WDR47: variants seen among roughly 807,000 people sequenced by gnomAD.
WDR47 encodes WD repeat domain 47, also known as WD repeat-containing protein 47.
A neutral mutation model predicts 97.2 loss-of-function variants in WDR47; 32 were observed. The observed-to-expected ratio is 0.33, with a 90% CI of 0.25 to 0.44. The LOEUF (loss-of-function observed/expected upper bound fraction) is 0.44, where lower values mean the gene tolerates loss of function less well. Among genes scored for constraint, WDR47 ranks in the 20% least tolerant of loss-of-function variants. WDR47 has a pLI of 1.00. For missense variants in WDR47, 782 were observed against 1,102.3 expected (o/e 0.71, Z 4.11); for synonymous variants, 375 against 373.5 (o/e 1.00, Z -0.05).
intron 12 of WDR47, among the ~76,000 whole-genome samples, chr1:108,982,154 T>C (rs1482735208): frequency 6.6e-6 from 1 of 152,158 alleles, no homozygotes; most frequent in Non-Finnish European, 1.5e-5. Flanking sequence ...TAGTCAAATA[T>C]ACTATGTGAT....
Position 108,981,774 on chromosome 1 carries a change from G to A in WDR47, c.2357C>T (p.Pro786Leu). The A allele has an allele frequency of 6.2e-7, 1 of 1,613,650 alleles. No homozygotes were observed. Among genetic ancestry groups the A allele is most frequent in the Non-Finnish European group, 8.5e-7 (1 of 1,179,790 alleles). ...TGTGCCAACAACACGAACACAACTTGGTACTCGAAGATCCCAAAATCTAAC... is the reference window on the plus strand; with the variant it reads ...TGTGCCAACAACACGAACACAACTTAGTACTCGAAGATCCCAAAATCTAAC... ...KTVRFWDLRV[P>L]SCVRVVGTTF... is the part of the protein sequence containing the mutation. Residue 786 changes from proline to leucine, a missense_variant, in exon 13 of 15, where the codon CCA becomes CTA. Pro to Leu is a moderately conservative substitution (Grantham distance 98, BLOSUM62 -3). Coordinates refer to ENST00000369962, the MANE Select transcript of WDR47 (RefSeq NM_001142551.2).
Position 109,004,702 on chromosome 1 carries a change from C to T in WDR47, c.1144G>A (p.Asp382Asn). 1 of 1,606,026 alleles carries T rather than the reference C, an allele frequency of 6.2e-7. No homozygotes were observed. The highest frequency in any genetic ancestry group is 8.5e-7 in the Non-Finnish European group (1 of 1,176,640). Reference sequence around the variant, plus strand: ...TCACTGCCGATAGGCCTCTGTGCATCAACAGGTGTATCACTTCTTCCAGAA... The same window carrying T: ...TCACTGCCGATAGGCCTCTGTGCATTAACAGGTGTATCACTTCTTCCAGAA... ...EESPERDTPV[D>N]AQRPIGSEIL... The change falls in exon 6 of 15, where the codon GAT (aspartate) becomes AAT (asparagine). Residue 382 changes from aspartate to asparagine, a missense_variant. Coordinates refer to ENST00000369962, the MANE Select transcript of WDR47 (RefSeq NM_001142551.2).
In WDR47 at chr1:108,971,336, T is replaced by C; in HGVS notation, c.*94A>G. ...GGGGCCTCTTCGTGCTAAACCACTT[T>C]CCTGGACACTATGTTCTTCAGATTT... is the stretch of plus-strand genomic sequence containing the variant. On this transcript the variant is annotated 3_prime_UTR_variant, in exon 15 of 15. Coordinates refer to ENST00000369962, the MANE Select transcript of WDR47 (RefSeq NM_001142551.2). 2 of 1,547,756 alleles carry C rather than the reference T, an allele frequency of 1.3e-6. No individual in the cohort carries two copies. The highest frequency in any genetic ancestry group is 3.6e-5 in the Admixed American group (2 of 56,338).
At position 108,995,667 on chromosome 1, in the gene WDR47, G is replaced by A. The variant is rs113434051; in HGVS notation, c.1604C>T (p.Ala535Val). The A allele has an allele frequency of 1.9e-5, 31 of 1,613,968 alleles. No homozygotes were observed. Among genetic ancestry groups the A allele is most frequent in the East Asian group, 1.8e-4 (8 of 44,878 alleles). Residue 535 changes from alanine (A) to valine (V), a missense_variant, in exon 8 of 15, where the codon GCT becomes GTT. By Grantham distance (64) the Ala-to-Val change is moderately conservative. Transcript: ENST00000369962. ...QDSSQRLTHD[A>V]SNIHTSTPRN... ...AGGAGTGCTTGTATGAATATTTGAA[G>A]CATCATGTGTTAATCTCTGACTAGA...
In WDR47 at chr1:109,027,435, T is replaced by A. The variant is rs189790727; in HGVS notation, c.-9-3914A>T. 1.5e-3 allele frequency among the ~76,000 whole-genome samples: 229 copies of A among 152,272 alleles called. 1 individual carries two copies. Among genetic ancestry groups the A allele is most frequent in the African/African-American group, 5.1e-3 (211 of 41,552 alleles). Reference sequence around the variant, plus strand: ...CATAGGCACATGCTTGATGACTATATCTTAGAATTATTCTCTTCTAACTCC... The same window carrying A: ...CATAGGCACATGCTTGATGACTATAACTTAGAATTATTCTCTTCTAACTCC... On this transcript the variant is annotated intron_variant, in intron 1 of 14. Transcript: ENST00000369962.
chr1:108,977,517 C>A (rs915772682), intron 13 of WDR47, among the ~76,000 whole-genome samples: 6 of 152,102 alleles, frequency 3.9e-5, no homozygotes, highest in African/African-American at 1.2e-4. Flanking sequence ...TTGTTATATA[C>A]CATGTTTGGT....
chr1:108,993,568 A>G (rs1176950855), intron 8 of WDR47, among the ~76,000 whole-genome samples: 2 of 152,218 alleles, frequency 1.3e-5, no homozygotes, highest in Admixed American at 1.3e-4. Context: ...AGATGCTAAA[A>G]ACAGGGAATC....
chr1:109,036,680 C>T lies in WDR47; in HGVS notation c.-10+5182G>A, dbSNP rs767785099. Among the ~76,000 whole-genome samples the T allele has an allele frequency of 3.3e-5, 5 of 151,788 alleles. No homozygotes were observed. The East Asian group carries it at 9.7e-4, about 30-fold the overall frequency. ...TGAAACCCCGTCTCTACTAACAATA[C>T]AAAAAATTAGCTGGGCGTGGTGGCA... On this transcript the variant is annotated intron_variant, in intron 1 of 14. Transcript: ENST00000369962.
rs1657747085 is a variant in WDR47, at chr1:108,974,687, A to G, written c.2466T>C (p.Ser822=). 3.1e-6 allele frequency: 5 copies of G among 1,614,006 alleles called. No homozygotes were observed. The South Asian group carries it at 4.4e-5, about 14-fold the overall frequency. The change falls in exon 14 of 15, where the codon TCT becomes TCC. Residue 822 remains serine (S), a synonymous_variant. Transcript: ENST00000369962. ...GRLLATGQED[S]SCMLYDIRGG... ...CTCTTATGTCATACAACATGCAGCT[A>G]GAATCTTCTTGACCTGTGGCTAAGA...
At chr1:108,984,871 T>G (rs557795880) in intron 10 of WDR47, among the ~76,000 whole-genome samples, 13 of 151,920 alleles carry the variant, frequency 8.6e-5, no homozygotes, top group Admixed American at 3.3e-4. Flanking sequence ...AGTGAGACTC[T>G]GTCTCAAAAC....
At chr1:108,977,237 C>T (rs938517825) in intron 13 of WDR47, among the ~76,000 whole-genome samples, 7 of 152,060 alleles carry the variant, frequency 4.6e-5, no homozygotes, top group Non-Finnish European at 7.4e-5. Context: ...CTACAACCTC[C>T]GCCTCCCAGG....
chr1:109,014,550 A>G (rs927317663), intron 3 of WDR47, among the ~76,000 whole-genome samples: 13 of 151,908 alleles, frequency 8.6e-5, no homozygotes, highest in Non-Finnish European at 1.6e-4. Context: ...CTCCTGCCTC[A>G]GCCTCCCAAG....
At chr1:108,990,484 C>T (rs1487861397) in intron 9 of WDR47, among the ~76,000 whole-genome samples, 1 of 152,154 alleles carries the variant, frequency 6.6e-6, no homozygotes, top group Admixed American at 6.6e-5. Flanking sequence ...GCTGGGATTA[C>T]AGGTGTGAGC....
At chr1:109,032,368 C>T (rs374388530) in intron 1 of WDR47, among the ~76,000 whole-genome samples, 1 of 134,998 alleles carries the variant, frequency 7.4e-6, no homozygotes, top group Admixed American at 8.2e-5. Context: ...ATTAGCCAGG[C>T]GTGGTGACGG....
At chr1:108,972,927 CAG>C (rs1203807577) in intron 14 of WDR47, among the ~76,000 whole-genome samples, 4 of 144,356 alleles carry the variant, frequency 2.8e-5, no homozygotes, top group Non-Finnish European at 4.5e-5. Context: ...GCCTGGGCGA[CAG>C]AGCGAGACTC....
chr1:109,034,212 C>G (rs1005211597), intron 1 of WDR47, among the ~76,000 whole-genome samples: 1 of 152,024 alleles, frequency 6.6e-6, no homozygotes, highest in Non-Finnish European at 1.5e-5. Context: ...CACCTGAACC[C>G]AGGAGGCGGA....
At position 108,970,219 on chromosome 1, in the gene WDR47, AATGTCAAGAGGTCTTT is replaced by A. The variant is rs1229103028; in HGVS notation, c.*1195_*1210del. 4 of 152,642 alleles carry A rather than the reference AATGTCAAGAGGTCTTT, an allele frequency of 2.6e-5. No individual in the cohort carries two copies. Among genetic ancestry groups the A allele is most frequent in the Non-Finnish European group, 5.9e-5 (4 of 68,038 alleles). 9.5% of individuals were successfully genotyped at this position (152,642 alleles called of 1,614,324 possible). The stretch of plus-strand genomic sequence containing the variant: ...AGACTGAGGAACAGAAACAGTTTTA[AATGTCAAGAGGTCTTT>A]ATTGAAATAATAGCACAGTTACACT... On this transcript the variant is annotated 3_prime_UTR_variant, in exon 15 of 15. Coordinates refer to ENST00000369962, the MANE Select transcript of WDR47 (RefSeq NM_001142551.2).
In WDR47 at chr1:108,970,964, A is replaced by G. The variant is rs1011453160; in HGVS notation, c.*466T>C. 1.9e-5 allele frequency: 3 copies of G among 154,212 alleles called. No individual in the cohort carries two copies. The highest frequency in any genetic ancestry group is 2.9e-5 in the Non-Finnish European group (2 of 69,282). The allele number at this position is 154,212 out of a possible 1,614,324, so 9.6% of individuals were successfully genotyped here. On this transcript the variant is annotated 3_prime_UTR_variant, in exon 15 of 15. Coordinates refer to ENST00000369962, the MANE Select transcript of WDR47 (RefSeq NM_001142551.2). ...TCTAGAAGACAAGTGATAATACAAT[A>G]TGGGATCGTGAGAAGAGCAAAAGTA...
intron 4 of WDR47, 36 bp from the exon 5 acceptor site, chr1:109,011,754 T>TA (rs1211938409): frequency 5.9e-6 from 9 of 1,522,318 alleles, no homozygotes; most frequent in African/African-American, 2.8e-5. Context: ...ATAATCACTA[T>TA]AAAAAACATG....
Sources: gnomAD v4.1 joint callset for allele counts (sites outside exome capture counted in the v4.1 genomes callset) on GRCh38, gnomAD v4.1.1 for gene constraint, MANE v1.5 for transcripts, NCBI Gene and HGNC (gene_info 2026-07-23, HGNC 2026-07-21) for gene names.